The following BRINP1 variants were observed in gnomAD, a reference collection of about 807,000 sequenced individuals.
BRINP1 encodes the protein BMP/retinoic acid inducible neural specific 1.
BRINP1 carries 17 observed loss-of-function variants against 72.9 expected under a neutral mutation model. The ratio of observed to expected loss-of-function variants is 0.23; its 90% CI spans 0.16 to 0.35. The LOEUF (loss-of-function observed/expected upper bound fraction) is 0.35, where lower values mean the gene tolerates loss of function less well. Ranked by LOEUF, BRINP1 falls within the 10% of genes least tolerant of loss-of-function variation. BRINP1 has a pLI of 1.00. For missense variants in BRINP1, 850 were observed against 1,001.6 expected, an observed-to-expected ratio of 0.85 and a Z score of 2.04; for synonymous variants, 418 against 378.5, an observed-to-expected ratio of 1.10 and a Z score of -1.21.
At chr9:119,303,349 G>C in intron 2 of BRINP1, among the ~76,000 whole-genome samples, 1 of 137,858 alleles carries the variant, frequency 7.3e-6, no homozygotes, top group East Asian at 2.1e-4. Flanking sequence ...GCTGCTGATT[G>C]CCATGGATGT....
chr9:119,361,122 G>A (rs541557815), intron 1 of BRINP1, among the ~76,000 whole-genome samples: 6 of 152,178 alleles, frequency 3.9e-5, no homozygotes, highest in South Asian at 2.1e-4. Context: ...CAGGAAGTCC[G>A]GGTAATTTAT....
chr9:119,354,932 G>A (rs1179760009), intron 1 of BRINP1, among the ~76,000 whole-genome samples: 1 of 152,076 alleles, frequency 6.6e-6, no homozygotes, highest in Non-Finnish European at 1.5e-5. Context: ...TTATTGTTCA[G>A]GCCAAGATTG....
At chr9:119,341,738 G>A (rs1422746322) in intron 1 of BRINP1, among the ~76,000 whole-genome samples, 2 of 152,098 alleles carry the variant, frequency 1.3e-5, no homozygotes, top group African/African-American at 2.4e-5. Context: ...GGTAAGTAAC[G>A]CCATTATAAG....
intron 2 of BRINP1, among the ~76,000 whole-genome samples, chr9:119,258,298 A>G (rs1437961563): frequency 1.3e-5 from 2 of 152,204 alleles, no homozygotes; most frequent in Non-Finnish European, 2.9e-5. Flanking sequence ...AGGGAAAAAT[A>G]GAAACACAAC....
intron 1 of BRINP1, among the ~76,000 whole-genome samples, chr9:119,360,461 C>T (rs1047959714): frequency 1.3e-5 from 2 of 152,154 alleles, no homozygotes; most frequent in Middle Eastern, 3.2e-3. Context: ...TACGTACTTA[C>T]GGAAGGCAGT....
chr9:119,223,198 G>A (rs1478937720), intron 5 of BRINP1, among the ~76,000 whole-genome samples: 1 of 152,046 alleles, frequency 6.6e-6, no homozygotes, highest in Non-Finnish European at 1.5e-5. Context: ...TAAAGCTAGT[G>A]TAAAAATTAA....
chr9:119,349,775 G>A (rs1831487920), intron 1 of BRINP1, among the ~76,000 whole-genome samples: 1 of 152,170 alleles, frequency 6.6e-6, no homozygotes, highest in Non-Finnish European at 1.5e-5. Context: ...GGGATCTGTG[G>A]AGGGGAAGTG....
At chr9:119,332,802 T>C (rs951822733) in intron 1 of BRINP1, among the ~76,000 whole-genome samples, 14 of 152,178 alleles carry the variant, frequency 9.2e-5, no homozygotes, top group African/African-American at 3.4e-4. Flanking sequence ...CAGCTGGCCC[T>C]AGCTGCCCCA....
In BRINP1 at chr9:119,213,987, A is replaced by T. The variant is rs1829953968; in HGVS notation, c.854T>A (p.Ile285Asn). ...CATGTTGGCCAGCGTGTACTCCATG[A>T]TCTGGATGTCCGTGATGGGGCAGTT... The part of the protein sequence containing the change: ...QCNCPITDIQ[I>N]MEYTLANMAK... Residue 285 changes from isoleucine to asparagine, a missense_variant, in exon 6 of 8, where the codon ATC (isoleucine) becomes AAC (asparagine). Physicochemically the swap from Ile to Asn is moderately radical, Grantham distance 149. Transcript: ENST00000265922. 3 of 1,614,126 alleles carry T rather than the reference A, an allele frequency of 1.9e-6. 1 individual carries two copies. The highest frequency in any genetic ancestry group is 8.5e-7 in the Non-Finnish European group (1 of 1,180,020).
intron 1 of BRINP1, among the ~76,000 whole-genome samples, chr9:119,367,221 G>GTGTGATAT (rs1564259756): frequency 5.0e-5 from 5 of 99,850 alleles, no homozygotes; most frequent in Non-Finnish European, 7.6e-5. Flanking sequence ...GTGTGTGATT[G>GTGTGATAT]ATATATATAT....
intron 1 of BRINP1, among the ~76,000 whole-genome samples, chr9:119,315,892 G>T (rs1213910847): frequency 6.6e-6 from 1 of 152,140 alleles, no homozygotes; most frequent in Non-Finnish European, 1.5e-5. Flanking sequence ...TTCCATGAAG[G>T]ATGAGAGAGA....
chr9:119,366,524 G>A lies in BRINP1; in HGVS notation c.-51+2532C>T, dbSNP rs1249059977. 2.5e-4 allele frequency among the ~76,000 whole-genome samples: 37 copies of A among 147,570 alleles called. No homozygotes were observed. The South Asian group carries it at 6.7e-3, about 27-fold the overall frequency. On this transcript the variant is annotated intron_variant, in intron 1 of 7. Transcript: ENST00000265922. ...CCACCGTGTGTGTGTGTGTGTGTGT[G>A]TGTGTGTGTGTGTGTGTGTGTGTGT...
rs76537044 is a variant in BRINP1 at position 119,298,596 on chromosome 9, T to A, written c.218+14542A>T. On this transcript the variant is annotated intron_variant, in intron 2 of 7. Coordinates refer to ENST00000265922, the MANE Select transcript of BRINP1 (RefSeq NM_014618.3). ...CTCCAAGTCCTATCTTTATTCCATG[T>A]ACCTAGCATCAAATACCCGCAGCCT... Among the ~76,000 whole-genome samples, 125 of 152,280 alleles carry A rather than the reference T, an allele frequency of 8.2e-4. 2 individuals carry two copies. In the East Asian group the frequency reaches 0.024, roughly 29 times the overall value.
At chr9:119,220,692 C>T (rs1830031530) in intron 5 of BRINP1, among the ~76,000 whole-genome samples, 2 of 152,098 alleles carry the variant, frequency 1.3e-5, no homozygotes, top group Admixed American at 1.3e-4. Flanking sequence ...TTGTGTCTGG[C>T]ACATAGTAGG....
chr9:119,299,445 C>A (rs1308375955), intron 2 of BRINP1, among the ~76,000 whole-genome samples: 1 of 151,986 alleles, frequency 6.6e-6, no homozygotes, highest in Non-Finnish European at 1.5e-5. Flanking sequence ...GAAACCCCGT[C>A]TCTACTAAAA....
intron 1 of BRINP1, among the ~76,000 whole-genome samples, chr9:119,348,834 C>A (rs1831474639): frequency 6.6e-6 from 1 of 152,134 alleles, no homozygotes; most frequent in African/African-American, 2.4e-5. Flanking sequence ...TAGCATTCAT[C>A]CAGCAAATGA....
intron 7 of BRINP1, among the ~76,000 whole-genome samples, chr9:119,195,754 G>A (rs960491641): frequency 6.6e-6 from 1 of 152,180 alleles, no homozygotes; most frequent in African/African-American, 2.4e-5. Context: ...TTAAGCAGAA[G>A]GTGTTAGAAA....
chr9:119,231,532 T>C (rs1188915736), intron 5 of BRINP1, among the ~76,000 whole-genome samples: 1 of 152,130 alleles, frequency 6.6e-6, no homozygotes, highest in Non-Finnish European at 1.5e-5. Context: ...AATACTACTC[T>C]GTAGAGTTTG....
At chr9:119,242,978 TC>T (rs1192152551) in intron 3 of BRINP1, among the ~76,000 whole-genome samples, 1 of 96,980 alleles carries the variant, frequency 1.0e-5, no homozygotes, top group Non-Finnish European at 2.0e-5. Flanking sequence ...GTTTCTTTTT[TC>T]TTTTTTTTTT....
Sources: gnomAD v4.1 joint callset for allele counts (sites outside exome capture counted in the v4.1 genomes callset) on GRCh38, gnomAD v4.1.1 for gene constraint, MANE v1.5 for transcripts, NCBI Gene and HGNC (gene_info 2026-07-23, HGNC 2026-07-21) for gene names.